The following DNAH14 variants were observed in gnomAD, a reference collection of about 807,000 sequenced individuals.
DNAH14 encodes dynein axonemal heavy chain 14.
Under a neutral mutation model 520.9 loss-of-function variants are expected in DNAH14, and 478 were observed. That is an observed-to-expected ratio of 0.92 (90% CI 0.85 to 0.99). The LOEUF (loss-of-function observed/expected upper bound fraction) is 0.99, where lower values mean the gene tolerates loss of function less well. Among genes scored for constraint, DNAH14 ranks in the 50% least tolerant of loss-of-function variants. The pLI, the probability that DNAH14 is intolerant of heterozygous loss-of-function variation, is 0.00. For synonymous variants in DNAH14, 1,581 were observed against 1,757.2 expected, an observed-to-expected ratio of 0.90 and a Z score of 2.51; for missense variants, 4,831 against 5,234.5, an observed-to-expected ratio of 0.92 and a Z score of 2.38.
chr1:225,165,354 A>C (rs1326574716), intron 35 of DNAH14, among the ~76,000 whole-genome samples: 1 of 152,054 alleles, frequency 6.6e-6, no homozygotes, highest in Non-Finnish European at 1.5e-5. Flanking sequence ...GTACTCTTTT[A>C]GCCCTTTTAA....
chr1:225,231,853 A>G (rs889777174), intron 42 of DNAH14, among the ~76,000 whole-genome samples: 4 of 152,132 alleles, frequency 2.6e-5, no homozygotes, highest in Non-Finnish European at 5.9e-5. Flanking sequence ...CTCATTCTCA[A>G]TGTAACAACA....
chr1:225,001,719 C>G (rs1289780289), intron 8 of DNAH14, among the ~76,000 whole-genome samples: 1 of 152,026 alleles, frequency 6.6e-6, no homozygotes, highest in African/African-American at 2.4e-5. Flanking sequence ...TTATTATTAC[C>G]TAAATTTTGA....
chr1:225,192,564 T>C, intron 37 of DNAH14, 132 bp from the exon 38 acceptor site: 1 of 579,754 alleles, frequency 1.7e-6, no homozygotes, highest in South Asian at 2.8e-5. Flanking sequence ...CCTTGCAACT[T>C]GCTACCTTTA....
At chr1:224,952,144 T>G (rs956926856) in intron 1 of DNAH14, among the ~76,000 whole-genome samples, 1 of 152,232 alleles carries the variant, frequency 6.6e-6, no homozygotes, top group Non-Finnish European at 1.5e-5. Flanking sequence ...CTGTATCTTG[T>G]TAGATTTCCC....
Position 225,333,411 on chromosome 1 carries a change from T to G in DNAH14, c.9985T>G (p.Leu3329Val). ...SGILTPEFRQ[L>V]IVNKWETFCI... ...AATTTTAACACCAGAATTTCGCCAG[T>G]TGATTGTGAATAAATGGGAGACATT... The change falls in exon 66 of 86, where the codon TTG becomes GTG. Residue 3329 changes from leucine to valine, a missense_variant. Transcript: ENST00000682510. 3 of 1,551,574 alleles carry G rather than the reference T, an allele frequency of 1.9e-6. No homozygotes were observed. The highest frequency in any genetic ancestry group is 2.6e-6 in the Non-Finnish European group (3 of 1,146,902).
chr1:225,264,050 CAT>C, intron 46 of DNAH14, 145 bp from the exon 47 acceptor site: 1 of 609,946 alleles, frequency 1.6e-6, no homozygotes, highest in East Asian at 2.9e-5. Context: ...ACACTAATTT[CAT>C]CTGAAAAGGT....
At position 225,192,761 on chromosome 1, in the gene DNAH14, A is replaced by G. The variant is rs200638575; in HGVS notation, c.5736A>G (p.Glu1912=). The G allele has an allele frequency of 7.5e-5, 116 of 1,550,144 alleles. No individual in the cohort carries two copies. The highest frequency in any genetic ancestry group is 2.1e-5 in the Non-Finnish European group (24 of 1,146,094). The change falls in exon 38 of 86, where the codon GAA becomes GAG. Residue 1912 remains glutamate (E), a synonymous_variant. Transcript: ENST00000682510. ...ATCCAAAGTGTGTCACTCTCAGTGAACTATATGGACAACTGGATCCTAATA... is the reference window on the plus strand; with the variant it reads ...ATCCAAAGTGTGTCACTCTCAGTGAGCTATATGGACAACTGGATCCTAATA... ...VLNPKCVTLS[E]LYGQLDPNTM... is the part of the protein sequence containing the mutation.
chr1:225,194,854 A>G (rs1246286801), intron 38 of DNAH14, among the ~76,000 whole-genome samples: 1 of 152,188 alleles, frequency 6.6e-6, no homozygotes, highest in Admixed American at 6.6e-5. Flanking sequence ...TGGGCAAAGG[A>G]TATGAACAGA....
At chr1:225,264,439 G>C (rs1332744591) in intron 47 of DNAH14, among the ~76,000 whole-genome samples, 178 bp downstream of exon 47, 1 of 152,114 alleles carries the variant, frequency 6.6e-6, no homozygotes, top group East Asian at 1.9e-4. Context: ...TCAAAAGTTA[G>C]AATGGTTCTG....
At chr1:225,177,376 C>T (rs1210635401) in intron 36 of DNAH14, among the ~76,000 whole-genome samples, 3 of 152,062 alleles carry the variant, frequency 2.0e-5, no homozygotes, top group Admixed American at 1.3e-4. Context: ...CCTGACAATG[C>T]GATAGAAAAG....
rs1017241019 is a variant in DNAH14 at position 225,131,527 on chromosome 1, A to C, written c.4254+7913A>C. Among the ~76,000 whole-genome samples the C allele has an allele frequency of 2.6e-5, 4 of 152,324 alleles. No homozygotes were observed. In the South Asian group the frequency reaches 8.3e-4, roughly 32 times the overall value. On this transcript the variant is annotated intron_variant, in intron 27 of 85. Coordinates refer to ENST00000682510, the MANE Select transcript of DNAH14 (RefSeq NM_001367479.1). ...GAAAAAGCTACCCAGTTTTATGATT[A>C]CATGTGTTTTCTGGATACATTTGAC...
chr1:225,322,133 C>T (rs1294218219), intron 61 of DNAH14, among the ~76,000 whole-genome samples: 1 of 142,926 alleles, frequency 7.0e-6, no homozygotes, highest in Non-Finnish European at 1.5e-5. Context: ...CTTTGTCGCC[C>T]AGGCTGGAGA....
chr1:225,078,164 G>C (rs774412702), intron 17 of DNAH14, among the ~76,000 whole-genome samples: 4 of 152,106 alleles, frequency 2.6e-5, no homozygotes, highest in Non-Finnish European at 5.9e-5. Flanking sequence ...ATATAAGTAT[G>C]GTGGAAAATA....
intron 41 of DNAH14, among the ~76,000 whole-genome samples, chr1:225,229,630 A>C (rs1051970243): frequency 2.6e-5 from 4 of 152,210 alleles, no homozygotes; most frequent in African/African-American, 9.7e-5. Flanking sequence ...GACATGGATT[A>C]AGCTGGAAAC....
At chr1:225,119,701 C>A (rs1350907242) in intron 26 of DNAH14, among the ~76,000 whole-genome samples, 1 of 152,128 alleles carries the variant, frequency 6.6e-6, no homozygotes, top group Non-Finnish European at 1.5e-5. Flanking sequence ...CTCTTTCTAA[C>A]GTTCTCCTTT....
intron 68 of DNAH14, among the ~76,000 whole-genome samples, chr1:225,339,034 C>T (rs1966046): frequency 0.48 from 73,153 of 151,464 alleles, 18,286 homozygotes; most frequent in African/African-American, 0.62. Context: ...TGGTGGCGCA[C>T]GCCTGTAATC....
chr1:225,112,988 G>A (rs1400338938), intron 23 of DNAH14, among the ~76,000 whole-genome samples: 3 of 152,064 alleles, frequency 2.0e-5, no homozygotes, highest in Non-Finnish European at 4.4e-5. Flanking sequence ...GGTCCCTGGA[G>A]GCTTATTTAA....
rs1487903952 is a variant in DNAH14, at chr1:225,232,076, T to C, written c.6518+925T>C. ...ACTACTATTCTGGATTTTGTACTTATTAATATGTTTCAAAATAATATTTTT... is the reference window on the plus strand; with the variant it reads ...ACTACTATTCTGGATTTTGTACTTACTAATATGTTTCAAAATAATATTTTT... On this transcript the variant is annotated intron_variant, in intron 42 of 85. Transcript: ENST00000682510. The surrounding 1 kb of genome is among the most constrained non-coding windows in gnomAD (Gnocchi z 4.2). Among the ~76,000 whole-genome samples, 3 of 152,156 alleles carry C rather than the reference T, an allele frequency of 2.0e-5. No individual in the cohort carries two copies. Among genetic ancestry groups the C allele is most frequent in the East Asian group, 3.9e-4 (2 of 5,192 alleles).
intron 3 of DNAH14, among the ~76,000 whole-genome samples, chr1:224,957,610 CAG>C (rs2060595087): frequency 6.6e-6 from 1 of 152,086 alleles, no homozygotes; most frequent in Non-Finnish European, 1.5e-5. Context: ...ACAAGAAAGA[CAG>C]AGTGTGAGGT....
Sources: allele counts gnomAD v4.1 joint callset (sites outside exome capture counted in the v4.1 genomes callset), GRCh38; gene constraint gnomAD v4.1.1; non-coding constraint Gnocchi (gnomAD v3.1); transcripts MANE v1.5; gene names NCBI Gene and HGNC (gene_info 2026-07-23, HGNC 2026-07-21).